PLA2G6: variants seen among roughly 807,000 people sequenced by gnomAD.
The protein encoded by PLA2G6 is phospholipase A2 group VI, also known as 85/88 kDa calcium-independent phospholipase A2.
PLA2G6 carries 62 observed loss-of-function variants against 83.8 expected under a neutral mutation model. That is an observed-to-expected ratio of 0.74 (90% confidence interval 0.60 to 0.91). PLA2G6 has a LOEUF of 0.91. Among genes scored for constraint, PLA2G6 ranks in the 40% least tolerant of loss-of-function variants. The pLI, the probability that PLA2G6 is intolerant of heterozygous loss-of-function variation, is 0.00. For missense variants in PLA2G6, 944 were observed against 1,102.0 expected, an observed-to-expected ratio of 0.86 and a Z score of 2.03; for synonymous variants, 417 against 449.8, an observed-to-expected ratio of 0.93 and a Z score of 0.92.
chr22:38,173,517 G>A (rs1298437702), intron 1 of PLA2G6, among the ~76,000 whole-genome samples: 1 of 152,032 alleles, frequency 6.6e-6, no homozygotes, highest in Non-Finnish European at 1.5e-5. Context: ...CAATTTTGGT[G>A]CCCCTGCTGA....
chr22:38,126,173 G>A (rs1196387667), intron 10 of PLA2G6, 198 bp downstream of exon 10: 2 of 654,710 alleles, frequency 3.1e-6, no homozygotes, highest in Admixed American at 2.1e-5. Flanking sequence ...TCCAGAGCCT[G>A]CACCGCCCAG....
At chr22:38,176,385 A>C (rs921074632) in intron 1 of PLA2G6, among the ~76,000 whole-genome samples, 2 of 152,058 alleles carry the variant, frequency 1.3e-5, no homozygotes, top group African/African-American at 2.4e-5. Flanking sequence ...CACGTGGGGG[A>C]TTCCAGGAGC....
In PLA2G6 at chr22:38,128,335, C is replaced by G; in HGVS notation, c.1282G>C (p.Ala428Pro). 1 of 1,613,532 alleles carries G rather than the reference C, an allele frequency of 6.2e-7. No homozygotes were observed. The highest frequency in any genetic ancestry group is 2.2e-5 in the East Asian group (1 of 44,878). Reference protein sequence around the residue: ...IHGVPAEQGSAAPHHPFSLER... With the variant: ...IHGVPAEQGSPAPHHPFSLER... ...AGGGAGAAGGGATGATGTGGCGCTG[C>G]AGAGCCCTGCTCCGCGGGGACCCCG... The change falls in exon 9 of 17, where the codon GCA becomes CCA. Residue 428 changes from alanine (A) to proline (P), a missense_variant. Ala to Pro is a conservative substitution (Grantham distance 27, BLOSUM62 -1). Transcript: ENST00000332509. This position sits in a 1 kb window ranked among gnomAD's most constrained non-coding sequence, Gnocchi z 4.4.
rs754225308 is a variant in PLA2G6, at chr22:38,148,632, A to G, written c.210-2979T>C. 3 of 701,718 alleles carry G rather than the reference A, an allele frequency of 4.3e-6. No homozygotes were observed. The South Asian group carries it at 4.6e-5, about 11-fold the overall frequency. The allele number at this position is 701,718 out of a possible 1,614,324, so 43.5% of individuals were successfully genotyped here. On this transcript the variant is annotated intron_variant, in intron 2 of 16. Coordinates refer to ENST00000332509, the MANE Select transcript of PLA2G6 (RefSeq NM_003560.4). Reference sequence around the variant, plus strand: ...GACTGGAGCCCAGGCGTCTGCCAAGAGGAGAGCCCTGATGAACATCTCTTA... The same window carrying G: ...GACTGGAGCCCAGGCGTCTGCCAAGGGGAGAGCCCTGATGAACATCTCTTA...
intron 5 of PLA2G6, chr22:38,137,583 C>T (rs1190955073): frequency 6.6e-6 from 1 of 152,308 alleles, no homozygotes; most frequent in East Asian, 1.9e-4. Context: ...CCTGTAATCC[C>T]AGCATGTTGG....
chr22:38,124,733 G>A (rs1274056861), intron 10 of PLA2G6, among the ~76,000 whole-genome samples: 1 of 152,222 alleles, frequency 6.6e-6, no homozygotes, highest in African/African-American at 2.4e-5. Context: ...TGTGTCAAGG[G>A]GATGCAGGAG....
At chr22:38,164,267 C>T (rs2090132636) in intron 2 of PLA2G6, among the ~76,000 whole-genome samples, 1 of 152,274 alleles carries the variant, frequency 6.6e-6, no homozygotes, top group East Asian at 1.9e-4. Context: ...CCACTCAGCT[C>T]GCCACACTAC....
At chr22:38,178,413 C>T (rs143074771) in intron 1 of PLA2G6, among the ~76,000 whole-genome samples, 3 of 152,194 alleles carry the variant, frequency 2.0e-5, no homozygotes, top group African/African-American at 7.2e-5. Flanking sequence ...TCTACAAAAA[C>T]TTAACAATTA....
intron 7 of PLA2G6, chr22:38,130,663 T>C (rs550486737): frequency 6.6e-6 from 1 of 152,132 alleles, no homozygotes; most frequent in South Asian, 2.1e-4. Context: ...TGGCCATTTA[T>C]GGTAGTGATG....
intron 16 of PLA2G6, 46 bp downstream of exon 16, chr22:38,112,458 C>G (rs373689745): frequency 6.5e-7 from 1 of 1,527,316 alleles, no homozygotes; most frequent in African/African-American, 1.4e-5. Context: ...GTGAGTCCGA[C>G]CACGCCAGGG....
At chr22:38,179,601 C>T (rs1365052643) in intron 1 of PLA2G6, among the ~76,000 whole-genome samples, 3 of 151,964 alleles carry the variant, frequency 2.0e-5, no homozygotes, top group African/African-American at 4.8e-5. Flanking sequence ...CTGGCCAACA[C>T]GGTGAAACCC....
intron 2 of PLA2G6, among the ~76,000 whole-genome samples, chr22:38,167,584 C>T (rs1041001826): frequency 6.6e-6 from 1 of 152,158 alleles, no homozygotes; most frequent in Non-Finnish European, 1.5e-5. Flanking sequence ...CAGTCCTGAT[C>T]GAGTCCAGCT....
chr22:38,132,752 G>A lies in PLA2G6; in HGVS notation c.1077+79C>T. The A allele has an allele frequency of 8.0e-7, 1 of 1,244,288 alleles. No homozygotes were observed. Among genetic ancestry groups the A allele is most frequent in the East Asian group, 2.6e-5 (1 of 39,086 alleles). The allele number at this position is 1,244,288 out of a possible 1,614,324, so 77.1% of individuals were successfully genotyped here. A position where few individuals can be genotyped will look rare whatever the true frequency, so the allele number is the denominator to read the frequency against. On this transcript the variant is annotated intron_variant, in intron 7 of 16. Coordinates refer to ENST00000332509, the MANE Select transcript of PLA2G6 (RefSeq NM_003560.4). The surrounding 1 kb of genome is among the most constrained non-coding windows in gnomAD (Gnocchi z 5.0). ...CTGACGATAGGAGGGAGACAGTGGGGAGGAGGGCTCCAGTCCGGACAGCCC... is the reference window on the plus strand; with the variant it reads ...CTGACGATAGGAGGGAGACAGTGGGAAGGAGGGCTCCAGTCCGGACAGCCC...
chr22:38,160,088 T>A (rs747333144), intron 2 of PLA2G6, among the ~76,000 whole-genome samples: 2 of 152,214 alleles, frequency 1.3e-5, no homozygotes, highest in Non-Finnish European at 2.9e-5. Flanking sequence ...ATTGAGCTGA[T>A]ACTTCACTGA....
chr22:38,179,509 C>A (rs185382782), intron 1 of PLA2G6, among the ~76,000 whole-genome samples: 1 of 152,086 alleles, frequency 6.6e-6, no homozygotes, highest in African/African-American at 2.4e-5. Flanking sequence ...TGAGGCCTGG[C>A]GCGGTGGCTC....
intron 1 of PLA2G6, among the ~76,000 whole-genome samples, chr22:38,173,389 G>A (rs983408434): frequency 2.6e-5 from 4 of 151,862 alleles, no homozygotes; most frequent in South Asian, 2.1e-4. Flanking sequence ...ACCGCACCTC[G>A]GCTGTGTCAA....
At position 38,129,626 on chromosome 22, in the gene PLA2G6, C is replaced by T; in HGVS notation, c.1078-64G>A. ...GGGGAAGTGAAGAACAAAGGGGCCC[C>T]TGGCTGCCAGCCCCAACCTGTCAAC... is the stretch of plus-strand genomic sequence containing the variant. On this transcript the variant is annotated intron_variant, in intron 7 of 16. Transcript: ENST00000332509. 7.0e-6 allele frequency: 9 copies of T among 1,289,692 alleles called. No homozygotes were observed. In the East Asian group the frequency reaches 1.4e-4, roughly 20 times the overall value. The allele number at this position is 1,289,692 out of a possible 1,614,324, so 79.9% of individuals were successfully genotyped here. A position where few individuals can be genotyped will look rare whatever the true frequency, so the allele number is the denominator to read the frequency against.
At chr22:38,148,591 G>A in intron 2 of PLA2G6, 1 of 716,870 alleles carries the variant, frequency 1.4e-6, no homozygotes, top group Non-Finnish European at 2.6e-6. Context: ...CAGCCTCATG[G>A]GGCTCAGGAC....
intron 2 of PLA2G6, 55 bp from the exon 3 acceptor site, chr22:38,145,708 G>T: frequency 7.9e-7 from 1 of 1,266,176 alleles, no homozygotes; most frequent in Non-Finnish European, 1.1e-6. Flanking sequence ...GGGACCCTCG[G>T]CCCACATCCC....
Sources: gnomAD v4.1 joint callset for allele counts (sites outside exome capture counted in the v4.1 genomes callset) on GRCh38, gnomAD v4.1.1 for gene constraint, Gnocchi (gnomAD v3.1) non-coding constraint, MANE v1.5 for transcripts, NCBI Gene and HGNC (gene_info 2026-07-23, HGNC 2026-07-21) for gene names.